The following ALDH16A1 variants were observed in gnomAD, a reference collection of about 807,000 sequenced individuals.
The protein encoded by ALDH16A1 is aldehyde dehydrogenase 16 family member A1, also known as aldehyde dehydrogenase family 16 member A1.
In ALDH16A1, 88 loss-of-function variants were observed where a neutral mutation model predicts 96.1. That is an observed-to-expected ratio of 0.92 (90% CI 0.77 to 1.09). The LOEUF (loss-of-function observed/expected upper bound fraction) is 1.09. ALDH16A1 is among the 50% of genes least tolerant of loss of function. ALDH16A1 has a pLI of 0.00. For synonymous variants in ALDH16A1, 522 were observed against 496.4 expected, an observed-to-expected ratio of 1.05 and a Z score of -0.69; for missense variants, 1,250 against 1,112.6, an observed-to-expected ratio of 1.12 and a Z score of -1.76.
At chr19:49,458,402 TC>T in intron 1 of ALDH16A1, 83 bp from the exon 2 acceptor site, 1 of 1,027,932 alleles carries the variant, frequency 9.7e-7, no homozygotes, top group South Asian at 1.4e-5. Flanking sequence ...GAGACAGACG[TC>T]CCCTCCTAGA....
chr19:49,455,881 G>T (rs984475863), intron 1 of ALDH16A1, among the ~76,000 whole-genome samples: 23 of 152,130 alleles, frequency 1.5e-4, no homozygotes, highest in African/African-American at 5.6e-4. Flanking sequence ...TCTTTGGCGT[G>T]AACTTTATTT....
Position 49,453,468 on chromosome 19 carries a change from G to C in ALDH16A1, c.90+47G>C, listed in dbSNP as rs1396388059. 2.7e-6 allele frequency: 4 copies of C among 1,479,766 alleles called. No individual in the cohort carries two copies. In the East Asian group the frequency reaches 1.0e-4, roughly 37 times the overall value. The allele number at this position is 1,479,766 out of a possible 1,614,324, so 91.7% of individuals were successfully genotyped here. On this transcript the variant is annotated intron_variant, in intron 1 of 16. Coordinates refer to ENST00000293350, the MANE Select transcript of ALDH16A1 (RefSeq NM_153329.4). ...GCTGCTCGCTGCGTTCCCCAGGCCT[G>C]GGCGCCCGGTTTTTCGCGGGGAGTC...
chr19:49,453,585 C>T (rs1370394217), intron 1 of ALDH16A1, 164 bp downstream of exon 1: 11 of 630,980 alleles, frequency 1.7e-5, no homozygotes, highest in Non-Finnish European at 3.0e-5. Flanking sequence ...AGGACGCTCC[C>T]TTGAGCCTTG....
Position 49,466,154 on chromosome 19 carries a change from G to T in ALDH16A1, c.1809G>T (p.Lys603Asn), listed in dbSNP as rs1469910599. The change falls in exon 14 of 17, where the codon AAG becomes AAT. Residue 603 changes from lysine to asparagine, a missense_variant. Coordinates refer to ENST00000293350, the MANE Select transcript of ALDH16A1 (RefSeq NM_153329.4). ...TGGCGGCTGCACTGGAGCGCCGGAA[G>T]TCTACCCTGGCCTCGAGGCTGGAGA... Reference protein sequence around the residue: ...WALAAALERRKSTLASRLERQ... With the variant: ...WALAAALERRNSTLASRLERQ... 1.9e-6 allele frequency: 3 copies of T among 1,559,920 alleles called. No homozygotes were observed. The Admixed American group carries it at 5.8e-5, about 30-fold the overall frequency.
rs772501763 is a variant in ALDH16A1 at position 49,464,772 on chromosome 19, T to C, written c.1568+10T>C. 1.1e-5 allele frequency: 18 copies of C among 1,613,702 alleles called. No homozygotes were observed. In the South Asian group the frequency reaches 1.5e-4, roughly 14 times the overall value. ...CTGAAATAGGGCCCAGGTGAGTCGT[T>C]GGGGGCCAGTGGTCTGGGAGTGTGA... On this transcript the variant is annotated intron_variant, in intron 12 of 16. Coordinates refer to ENST00000293350, the MANE Select transcript of ALDH16A1 (RefSeq NM_153329.4).
Position 49,470,175 on chromosome 19 carries a change from C to T in ALDH16A1, c.2248-131C>T, listed in dbSNP as rs1246417531. 3 of 1,099,530 alleles carry T rather than the reference C, an allele frequency of 2.7e-6. No homozygotes were observed. In the East Asian group the frequency reaches 7.5e-5, roughly 27 times the overall value. 68.1% of individuals were successfully genotyped at this position (1,099,530 alleles called of 1,614,324 possible). A position where few individuals can be genotyped will look rare whatever the true frequency, so the allele number is the denominator to read the frequency against. On this transcript the variant is annotated intron_variant, in intron 16 of 16. Coordinates refer to ENST00000293350, the MANE Select transcript of ALDH16A1 (RefSeq NM_153329.4). ...ATCTGGAAGTTCTGCTTGGGAGGAG[C>T]TGGGCATTGTAGCTGCAGAGCCTGG... is the stretch of plus-strand genomic sequence containing the variant.
intron 14 of ALDH16A1, among the ~76,000 whole-genome samples, 166 bp downstream of exon 14, chr19:49,466,449 T>A (rs966116076): frequency 4.6e-5 from 7 of 152,188 alleles, no homozygotes; most frequent in African/African-American, 1.7e-4. Context: ...CCCTCATCTG[T>A]ACAGTGAGTG....
chr19:49,460,036 G>A (rs959689047), intron 4 of ALDH16A1, among the ~76,000 whole-genome samples, 188 bp downstream of exon 4: 9 of 151,928 alleles, frequency 5.9e-5, no homozygotes, highest in Non-Finnish European at 1.5e-5. Context: ...TCAGCCTCCT[G>A]AGTAGCTGGA....
rs1190058267 is a variant in ALDH16A1 at position 49,468,766 on chromosome 19, A to AC, written c.2125-92dup. On this transcript the variant is annotated intron_variant, in intron 15 of 16. Transcript: ENST00000293350. This position sits in a 1 kb window ranked among gnomAD's most constrained non-coding sequence, Gnocchi z 4.4. ...TAGGCCTGGGGCTTTCTCCTCCATGACCCCCCATCCCCTTCCCTCCCATGG... is the reference window on the plus strand; with the variant it reads ...TAGGCCTGGGGCTTTCTCCTCCATGACCCCCCCATCCCCTTCCCTCCCATGG... The AC allele has an allele frequency of 6.3e-6, 9 of 1,429,418 alleles. No homozygotes were observed. The highest frequency in any genetic ancestry group is 5.1e-5 in the South Asian group (4 of 78,552). The allele number at this position is 1,429,418 out of a possible 1,614,324, so 88.5% of individuals were successfully genotyped here. A position where few individuals can be genotyped will look rare whatever the true frequency, so the allele number is the denominator to read the frequency against.
At position 49,464,339 on chromosome 19, in the gene ALDH16A1, C is replaced by G. The variant is rs1368085982; in HGVS notation, c.1331+76C>G. The G allele has an allele frequency of 3.2e-6, 5 of 1,572,522 alleles. No homozygotes were observed. The East Asian group carries it at 9.3e-5, about 29-fold the overall frequency. Reference sequence around the variant, plus strand: ...CATCTCCCTTCTCCCTGGGTCGCTCCCCGCGCCTTTAACTCACCCCTCTCC... The same window carrying G: ...CATCTCCCTTCTCCCTGGGTCGCTCGCCGCGCCTTTAACTCACCCCTCTCC... On this transcript the variant is annotated intron_variant, in intron 10 of 16. Coordinates refer to ENST00000293350, the MANE Select transcript of ALDH16A1 (RefSeq NM_153329.4).
intron 2 of ALDH16A1, 83 bp from the exon 3 acceptor site, chr19:49,458,877 A>T (rs2079120639): frequency 6.5e-7 from 1 of 1,538,848 alleles, no homozygotes; most frequent in Admixed American, 1.8e-5. Context: ...TCTTGGGCTG[A>T]TCCAGGCTCC....
At position 49,469,099 on chromosome 19, in the gene ALDH16A1, T is replaced by G. The variant is rs960977699; in HGVS notation, c.2247+113T>G. 9.0e-6 allele frequency: 13 copies of G among 1,445,258 alleles called. No individual in the cohort carries two copies. The African/African-American group carries it at 1.7e-4, about 19-fold the overall frequency. 89.5% of individuals were successfully genotyped at this position (1,445,258 alleles called of 1,614,324 possible). A position where few individuals can be genotyped will look rare whatever the true frequency, so the allele number is the denominator to read the frequency against. On this transcript the variant is annotated intron_variant, in intron 16 of 16. Coordinates refer to ENST00000293350, the MANE Select transcript of ALDH16A1 (RefSeq NM_153329.4). ...AACTCCTGTTGGTAAGGGGAGAAAC[T>G]CCTTGACAAGAAGGTTTTGAGGCCC...
At position 49,464,545 on chromosome 19, in the gene ALDH16A1, A is replaced by G; in HGVS notation, c.1437+23A>G. 1.9e-6 allele frequency: 3 copies of G among 1,612,758 alleles called. No individual in the cohort carries two copies. The African/African-American group carries it at 4.0e-5, about 22-fold the overall frequency. Reference sequence around the variant, plus strand: ...GACGTGAGTACATCCCCTCCCCGTCACCAGCCCCCCCGCCGCCCCATGCCC... The same window carrying G: ...GACGTGAGTACATCCCCTCCCCGTCGCCAGCCCCCCCGCCGCCCCATGCCC... On this transcript the variant is annotated intron_variant, in intron 11 of 16. Transcript: ENST00000293350.
chr19:49,459,209 C>T lies in ALDH16A1; in HGVS notation c.320+123C>T. 1.4e-6 allele frequency: 2 copies of T among 1,450,530 alleles called. No individual in the cohort carries two copies. Among genetic ancestry groups the T allele is most frequent in the Non-Finnish European group, 1.8e-6 (2 of 1,085,772 alleles). The allele number at this position is 1,450,530 out of a possible 1,614,324, so 89.9% of individuals were successfully genotyped here. A position where few individuals can be genotyped will look rare whatever the true frequency, so the allele number is the denominator to read the frequency against. ...AATTTGCAGCTAAGGCTCAGATTCC[C>T]AGTATGTGCTGGAGGCAGTCGTGGC... On this transcript the variant is annotated intron_variant, in intron 3 of 16. Coordinates refer to ENST00000293350, the MANE Select transcript of ALDH16A1 (RefSeq NM_153329.4). This position sits in a 1 kb window ranked among gnomAD's most constrained non-coding sequence, Gnocchi z 4.1.
intron 16 of ALDH16A1, 141 bp downstream of exon 16, chr19:49,469,127 C>T: frequency 1.6e-6 from 2 of 1,263,436 alleles, no homozygotes; most frequent in East Asian, 2.5e-5. Context: ...TGAGGCCCCG[C>T]CCTTAGGACT....
At chr19:49,458,722 C>G (rs1031372558) in intron 2 of ALDH16A1, 134 bp downstream of exon 2, 22 of 1,102,350 alleles carry the variant, frequency 2.0e-5, no homozygotes, top group Non-Finnish European at 2.9e-5. Context: ...GCTGCGATGT[C>G]TGGTTCCTTC....
At position 49,466,239 on chromosome 19, in the gene ALDH16A1, C is replaced by A. The variant is rs1234369468; in HGVS notation, c.1894C>A (p.Arg632=). 6.7e-7 allele frequency: 1 copy of A among 1,491,632 alleles called. No individual in the cohort carries two copies. The highest frequency in any genetic ancestry group is 1.3e-5 in the South Asian group (1 of 74,574). The allele number at this position is 1,491,632 out of a possible 1,614,324, so 92.4% of individuals were successfully genotyped here. ...GGTGGAGCTGAGCGCAAGACGACTT[C>A]GGGCGTGGGGGGCCCGGGTGCAGGC... ...AEVELSARRL[R]AWGARVQAQG... The change falls in exon 14 of 17, where the codon CGG becomes AGG. Residue 632 remains arginine (R), a synonymous_variant. Coordinates refer to ENST00000293350, the MANE Select transcript of ALDH16A1 (RefSeq NM_153329.4).
chr19:49,469,171 A>G lies in ALDH16A1; in HGVS notation c.2247+185A>G, dbSNP rs1391964740. ...TAAGGAAGAGGCTGTCCTTAGCAAC[A>G]GGGGCCTGAGAGCTGCCTAGCCCAA... On this transcript the variant is annotated intron_variant, in intron 16 of 16. Transcript: ENST00000293350. The G allele has an allele frequency of 7.3e-6, 6 of 824,700 alleles. No individual in the cohort carries two copies. The African/African-American group carries it at 8.8e-5, about 12-fold the overall frequency. 51.1% of individuals were successfully genotyped at this position (824,700 alleles called of 1,614,324 possible).
chr19:49,454,038 T>TTTTTTG (rs2079090860), intron 1 of ALDH16A1, among the ~76,000 whole-genome samples: 3 of 148,286 alleles, frequency 2.0e-5, no homozygotes, highest in Admixed American at 6.7e-5. Flanking sequence ...TTTGTTTTTT[T>TTTTTTG]TTTTGAGCCA....
Sources: allele counts gnomAD v4.1 joint callset (sites outside exome capture counted in the v4.1 genomes callset), GRCh38; gene constraint gnomAD v4.1.1; non-coding constraint Gnocchi (gnomAD v3.1); transcripts MANE v1.5; gene names NCBI Gene and HGNC (gene_info 2026-07-23, HGNC 2026-07-21).